SLFN12L: variants seen among roughly 807,000 people sequenced by gnomAD.
SLFN12L encodes schlafen family member 12-like.
SLFN12L carries 34 observed loss-of-function variants against 34.8 expected under a neutral mutation model. The observed-to-expected ratio is 0.98, with a 90% CI of 0.74 to 1.30. The LOEUF (loss-of-function observed/expected upper bound fraction) is 1.30, where lower values mean the gene tolerates loss of function less well. Ranked by LOEUF, SLFN12L falls within the 50% of genes most tolerant of loss-of-function variation. The pLI is 0.00. For missense variants in SLFN12L, 703 were observed against 696.2 expected, an observed-to-expected ratio of 1.01 and a Z score of -0.11; for synonymous variants, 259 against 247.5, an observed-to-expected ratio of 1.05 and a Z score of -0.44.
At position 35,471,130 on chromosome 17, in the gene SLFN12L, A is replaced by G. The variant is rs531782202; in HGVS notation, c.*3793T>C. On this transcript the variant is annotated 3_prime_UTR_variant, in exon 5 of 5. Coordinates refer to ENST00000628453, the MANE Select transcript of SLFN12L (RefSeq NM_001363830.2). ...AGTGGGGCAATAAACATATGTGTGC[A>G]TGTGTCTTTTTTTTTTTTTTTCTGA... Among the ~76,000 whole-genome samples the G allele has an allele frequency of 9.8e-6, 1 of 101,860 alleles. No individual in the cohort carries two copies. 66.8% of individuals were successfully genotyped at this position (101,860 alleles called of 152,430 possible). A position where few individuals can be genotyped will look rare whatever the true frequency, so the allele number is the denominator to read the frequency against.
rs527356529 is a variant in SLFN12L, at chr17:35,495,461, G to A, written c.87-15266C>T. Among the ~76,000 whole-genome samples, 24 of 152,294 alleles carry A rather than the reference G, an allele frequency of 1.6e-4. 1 individual carries two copies. The South Asian group carries it at 4.8e-3, about 30-fold the overall frequency. ...AGCTATTTTTACAGTAACATATAAA[G>A]CAATAGAGTGAAGGCTCTGTGCACT... On this transcript the variant is annotated intron_variant, in intron 2 of 4. Coordinates refer to ENST00000628453, the MANE Select transcript of SLFN12L (RefSeq NM_001363830.2).
intron 1 of SLFN12L, 25 bp from the exon 2 acceptor site, chr17:35,522,994 T>A (rs1264876368): frequency 2.2e-6 from 1 of 462,480 alleles, no homozygotes; most frequent in African/African-American, 2.0e-5. Context: ...AATGAGAAAT[T>A]AGGGGAAGGA....
intron 2 of SLFN12L, among the ~76,000 whole-genome samples, chr17:35,519,184 G>C (rs1354726899): frequency 6.6e-6 from 1 of 152,130 alleles, no homozygotes; most frequent in East Asian, 1.9e-4. Flanking sequence ...ACTGGGGCCT[G>C]TCAGAGGGTA....
At chr17:35,482,432 C>G (rs190177857) in intron 2 of SLFN12L, among the ~76,000 whole-genome samples, 1 of 152,352 alleles carries the variant, frequency 6.6e-6, no homozygotes, top group East Asian at 1.9e-4. Context: ...AGCCCTGCCT[C>G]TTCCAAGTTG....
rs950884601 is a variant in SLFN12L at position 35,530,494 on chromosome 17, A to AAG, written c.-606+7077_-606+7078dup. Among the ~76,000 whole-genome samples the AAG allele has an allele frequency of 1.7e-3, 74 of 43,698 alleles. 1 individual carries two copies. The highest frequency in any genetic ancestry group is 4.5e-3 in the African/African-American group (71 of 15,944). The allele number at this position is 43,698 out of a possible 152,430, so 28.7% of individuals were successfully genotyped here. A position where few individuals can be genotyped will look rare whatever the true frequency, so the allele number is the denominator to read the frequency against. ...AAAGAAAGAAAGAAAGAAAGAAAGA[A>AAG]AGAAAGAAAGAAAGAAAGAAAAGAA... On this transcript the variant is annotated intron_variant, in intron 1 of 4. Transcript: ENST00000628453.
chr17:35,534,774 G>C (rs1226999676), intron 1 of SLFN12L, among the ~76,000 whole-genome samples: 1 of 152,166 alleles, frequency 6.6e-6, no homozygotes, highest in Non-Finnish European at 1.5e-5. Context: ...CCATAGCTTA[G>C]CCAAACATTG....
intron 2 of SLFN12L, among the ~76,000 whole-genome samples, chr17:35,517,650 A>G (rs1352942021): frequency 2.0e-5 from 3 of 152,186 alleles, no homozygotes; most frequent in African/African-American, 7.2e-5. Context: ...TTCAAACTAT[A>G]CTACAAGCCT....
intron 1 of SLFN12L, among the ~76,000 whole-genome samples, chr17:35,527,565 C>T (rs1465974391): frequency 2.1e-4 from 32 of 152,114 alleles, no homozygotes; most frequent in Admixed American, 1.9e-3. Context: ...AATCAATAAA[C>T]GTAATCCATC....
chr17:35,489,995 G>T, intron 2 of SLFN12L: 1 of 1,566,252 alleles, frequency 6.4e-7, no homozygotes, highest in South Asian at 1.1e-5. Flanking sequence ...GGAATAGAAA[G>T]AAATATCCGA....
At chr17:35,487,648 A>G in intron 2 of SLFN12L, 1 of 1,438,928 alleles carries the variant, frequency 6.9e-7, no homozygotes, top group East Asian at 2.5e-5. Flanking sequence ...GGGATCACGG[A>G]GAAGTTCTCG....
rs1916043474 is a variant in SLFN12L, at chr17:35,522,973, G to A, written c.-605-4C>T. 8.2e-6 allele frequency: 4 copies of A among 487,410 alleles called. No individual in the cohort carries two copies. The highest frequency in any genetic ancestry group is 4.3e-5 in the South Asian group (1 of 23,466). 30.2% of individuals were successfully genotyped at this position (487,410 alleles called of 1,614,324 possible). A position where few individuals can be genotyped will look rare whatever the true frequency, so the allele number is the denominator to read the frequency against. Reference sequence around the variant, plus strand: ...CATCGCAAATATCCTGGTAGCACTAGATGTGAAAAGAATGAGAAATTAGGG... The same window carrying A: ...CATCGCAAATATCCTGGTAGCACTAAATGTGAAAAGAATGAGAAATTAGGG... On this transcript the variant is annotated splice_polypyrimidine_tract_variant and splice_region_variant and intron_variant, in intron 1 of 4. Transcript: ENST00000628453.
chr17:35,475,577 C>A (rs551094988), intron 4 of SLFN12L, 92 bp from the exon 5 acceptor site: 48 of 1,447,102 alleles, frequency 3.3e-5, no homozygotes, highest in Admixed American at 1.1e-4. Context: ...TTAATTCTCC[C>A]ACCAAAAGCA....
At chr17:35,497,447 C>CA (rs970050416) in intron 2 of SLFN12L, among the ~76,000 whole-genome samples, 2 of 151,184 alleles carry the variant, frequency 1.3e-5, no homozygotes, top group African/African-American at 4.9e-5. Flanking sequence ...TTTAAAAAAG[C>CA]AAAAAACAAA....
chr17:35,479,821 A>T lies in SLFN12L; in HGVS notation c.461T>A (p.Leu154Ter). 6.2e-7 allele frequency: 1 copy of T among 1,608,706 alleles called. No homozygotes were observed. The change falls in exon 3 of 5, where the codon TTG (leucine) becomes TAG (stop). Residue 154 changes from leucine (L) to a stop codon, truncating the protein, a stop_gained. Transcript: ENST00000628453. LOFTEE classifies it high-confidence loss of function. ...GGCAATCTGCGGACCAGAGGTTTCC[A>T]AGCTCCATGATTTCACAAAAATGTG... ...YFHIFVKSWS[L>*]ETSGPQIATL...
At position 35,498,552 on chromosome 17, in the gene SLFN12L, A is replaced by G. The variant is rs543873748; in HGVS notation, c.87-18357T>C. 1.2e-5 allele frequency: 17 copies of G among 1,433,008 alleles called. No homozygotes were observed. In the African/African-American group the frequency reaches 2.4e-4, roughly 20 times the overall value. 88.8% of individuals were successfully genotyped at this position (1,433,008 alleles called of 1,614,324 possible). A position where few individuals can be genotyped will look rare whatever the true frequency, so the allele number is the denominator to read the frequency against. ...TCTCAGCCTGGTCCAGAACAGTCCA[A>G]AAAGTACAGTGGAAAGTTTTTACAG... On this transcript the variant is annotated intron_variant, in intron 2 of 4. Coordinates refer to ENST00000628453, the MANE Select transcript of SLFN12L (RefSeq NM_001363830.2).
intron 2 of SLFN12L, among the ~76,000 whole-genome samples, chr17:35,492,751 G>A (rs1297768667): frequency 6.6e-6 from 1 of 152,172 alleles, no homozygotes; most frequent in Non-Finnish European, 1.5e-5. Flanking sequence ...CCTCGGGCAG[G>A]TGGCAGTGGT....
In SLFN12L at chr17:35,475,178, A is replaced by C; in HGVS notation, c.1584T>G (p.Gly528=). 1.2e-6 allele frequency: 2 copies of C among 1,614,094 alleles called. No homozygotes were observed. Among genetic ancestry groups the C allele is most frequent in the Admixed American group, 1.7e-5 (1 of 60,020 alleles). Residue 528 remains glycine (G), a synonymous_variant, in exon 5 of 5, where the codon GGT becomes GGG. Transcript: ENST00000628453. ...TGACACACACTTTTTTAGTGTAACC[A>C]CCAATTTTTGCCAGCTTCTGTTTTA... ...QTLKQKLAKI[G]GYTKKVCVMT... is the part of the protein sequence containing the mutation.
chr17:35,475,572 T>C, intron 4 of SLFN12L, 87 bp from the exon 5 acceptor site: 3 of 1,450,426 alleles, frequency 2.1e-6, no homozygotes, highest in Non-Finnish European at 2.7e-6. Context: ...TTAGATTAAT[T>C]CTCCCACCAA....
chr17:35,489,923 T>G, intron 2 of SLFN12L: 1 of 1,139,446 alleles, frequency 8.8e-7, no homozygotes, highest in East Asian at 2.3e-5. Context: ...CATCTTATGC[T>G]CCAAGTGGGA....
Sources: gnomAD v4.1 joint callset for allele counts (sites outside exome capture counted in the v4.1 genomes callset) on GRCh38, gnomAD v4.1.1 for gene constraint, MANE v1.5 for transcripts, NCBI Gene and HGNC (gene_info 2026-07-23, HGNC 2026-07-21) for gene names.